PDE4C: variants seen among roughly 807,000 people sequenced by gnomAD.
PDE4C encodes 3',5'-cyclic-AMP phosphodiesterase 4C.
PDE4C carries 50 observed loss-of-function variants against 63.9 expected under a neutral mutation model. The observed-to-expected ratio is 0.78, with a 90% CI of 0.62 to 0.99. The LOEUF (loss-of-function observed/expected upper bound fraction) is 0.99, where lower values mean the gene tolerates loss of function less well. PDE4C is among the 50% of genes least tolerant of loss of function. PDE4C has a pLI of 0.00. For missense variants in PDE4C, 777 were observed against 899.1 expected, an observed-to-expected ratio of 0.86 and a Z score of 1.74; for synonymous variants, 377 against 385.1, an observed-to-expected ratio of 0.98 and a Z score of 0.25.
At chr19:18,240,425 C>CAA (rs35192077) in intron 1 of PDE4C, among the ~76,000 whole-genome samples, 43,122 of 113,972 alleles carry the variant, frequency 0.38, 9,207 homozygotes, top group Non-Finnish European at 0.48. Context: ...GAAACTCTGT[C>CAA]AAAAAAAAAA....
chr19:18,252,150 A>C, upstream of PDE4C: 1 of 399,196 alleles, frequency 2.5e-6, no homozygotes, highest in Non-Finnish European at 4.4e-6. Flanking sequence ...GTGCGGGGTC[A>C]GGGATTCGGA....
chr19:18,225,213 GT>G (rs1968676599), intron 1 of PDE4C, among the ~76,000 whole-genome samples: 1 of 152,190 alleles, frequency 6.6e-6, no homozygotes, highest in African/African-American at 2.4e-5. Context: ...GGCCAGGGGG[GT>G]AAACTGAGCC....
chr19:18,228,724 G>A (rs1222313660), upstream of PDE4C, among the ~76,000 whole-genome samples: 1 of 152,104 alleles, frequency 6.6e-6, no homozygotes, highest in Admixed American at 6.6e-5. Context: ...CACAGCAAGG[G>A]GTGGCCACAG....
upstream of PDE4C, chr19:18,251,975 G>A (rs1969235480): frequency 2.5e-6 from 1 of 397,896 alleles, no homozygotes; most frequent in African/African-American, 2.1e-5. Flanking sequence ...CATTCTCGGG[G>A]CTGTACCTCC....
At position 18,220,775 on chromosome 19, in the gene PDE4C, A is replaced by G. The variant is rs1968430247; in HGVS notation, c.499+99T>C. ...TTGTTTTTGCAGGGGCGGGGCTACAATTAGCCCCAGTATAAGGGGCTCATG... is the reference window on the plus strand; with the variant it reads ...TTGTTTTTGCAGGGGCGGGGCTACAGTTAGCCCCAGTATAAGGGGCTCATG... On this transcript the variant is annotated intron_variant, in intron 5 of 14. Coordinates refer to ENST00000262805, the Ensembl canonical transcript of PDE4C. The surrounding 1 kb of genome is among the most constrained non-coding windows in gnomAD (Gnocchi z 5.1). The G allele has an allele frequency of 8.4e-7, 1 of 1,187,744 alleles. No individual in the cohort carries two copies. The allele number at this position is 1,187,744 out of a possible 1,614,324, so 73.6% of individuals were successfully genotyped here.
At chr19:18,226,534 C>G, upstream of PDE4C, 3 of 705,284 alleles carry the variant, frequency 4.3e-6, no homozygotes, top group Non-Finnish European at 6.0e-6. Context: ...GCCTCGAGGC[C>G]GGCGGCTCCC....
intron 1 of PDE4C, among the ~76,000 whole-genome samples, chr19:18,247,045 C>T (rs1969146070): frequency 6.6e-6 from 1 of 152,212 alleles, no homozygotes; most frequent in Non-Finnish European, 1.5e-5. Flanking sequence ...GGCTCAGTTT[C>T]CCAGAATGGG....
At chr19:18,233,758 A>G (rs1968901058), upstream of PDE4C, 1 of 325,976 alleles carries the variant, frequency 3.1e-6, no homozygotes, top group East Asian at 9.0e-5. Flanking sequence ...GTTCAGGTGC[A>G]CCCCCAGACC....
chr19:18,208,243 A>T (rs2147990598), downstream of PDE4C: 1 of 152,360 alleles, frequency 6.6e-6, no homozygotes, highest in East Asian at 1.9e-4. Flanking sequence ...CTGCTCTGGA[A>T]GCCGAGGGCG....
chr19:18,222,661 CTCTCTCTCTCT>C (rs1968540636), intron 1 of PDE4C, among the ~76,000 whole-genome samples: 1 of 24,434 alleles, frequency 4.1e-5, no homozygotes. Context: ...CGTTCTTTCT[CTCTCTCTCTCT>C]CTCTCTCTCT....
chr19:18,216,609 CAG>C (rs1340694913), intron 12 of PDE4C, 130 bp downstream of exon 12: 19 of 865,652 alleles, frequency 2.2e-5, no homozygotes, highest in Non-Finnish European at 1.6e-5. Context: ...GAAGCTCAGA[CAG>C]AGTGAGGACA....
chr19:18,234,422 CCCA>C (rs893077507), upstream of PDE4C, among the ~76,000 whole-genome samples: 12 of 152,174 alleles, frequency 7.9e-5, no homozygotes, highest in African/African-American at 2.9e-4. Context: ...CAAGTCTCCA[CCCA>C]CCAGGCGTCT....
exon 12 of PDE4C, chr19:18,216,830 A>C: frequency 6.2e-7 from 1 of 1,614,170 alleles, no homozygotes; most frequent in Non-Finnish European, 8.5e-7. Context: ...AGCAGCTTGA[A>C]GCCCACAGCC....
Position 18,216,872 on chromosome 19 carries a change from T to C in PDE4C, c.1258A>G (p.Asn420Asp), listed in dbSNP as rs764378346. The change falls in exon 12 of 15, where the codon AAC becomes GAC. Residue 420 changes from asparagine to aspartate, a missense_variant. Asn to Asp is a conservative substitution (Grantham distance 23). This residue lies in a region of PDE4C where 500 missense variants were observed against 597.8 expected (regional missense o/e 0.84). Transcript: ENST00000262805. ...TGGTTCTCCAGCACCGAGGCGTCGTTGTACATAAGCGCCAGCTCTGAGTCT... is the reference window on the plus strand; with the variant it reads ...TGGTTCTCCAGCACCGAGGCGTCGTCGTACATAAGCGCCAGCTCTGAGTCT... 1.9e-6 allele frequency: 3 copies of C among 1,613,746 alleles called. No homozygotes were observed. In the Admixed American group the frequency reaches 5.0e-5, roughly 27 times the overall value.
At chr19:18,232,894 C>G in intron 1 of PDE4C, 2 of 1,416,910 alleles carry the variant, frequency 1.4e-6, no homozygotes, top group Non-Finnish European at 1.8e-6. Flanking sequence ...CCACTCCCGC[C>G]AGGCCCCGCG....
At chr19:18,237,483 G>A (rs547414343), upstream of PDE4C, among the ~76,000 whole-genome samples, 22 of 152,122 alleles carry the variant, frequency 1.4e-4, no homozygotes, top group South Asian at 4.2e-4. Context: ...CCTGGGAGGC[G>A]GAGGTTGCAG....
chr19:18,223,967 G>A (rs773618042), intron 1 of PDE4C, among the ~76,000 whole-genome samples: 1 of 152,110 alleles, frequency 6.6e-6, no homozygotes, highest in South Asian at 2.1e-4. Context: ...CCCCACGGCC[G>A]CCGACCACGC....
At chr19:18,224,281 G>A in intron 1 of PDE4C, 8 of 985,522 alleles carry the variant, frequency 8.1e-6, no homozygotes, top group Non-Finnish European at 9.6e-6. Flanking sequence ...GCACCGACAG[G>A]AAGACAACCG....
chr19:18,218,282 G>A lies in PDE4C; in HGVS notation c.1135-34C>T, dbSNP rs747791123. 42 of 1,613,108 alleles carry A rather than the reference G, an allele frequency of 2.6e-5. No homozygotes were observed. In the South Asian group the frequency reaches 3.8e-4, roughly 15 times the overall value. ...GCAGAGGGCACAGGCGGTGAGGGGC[G>A]GGTTCTCTGGGCCCTGCACCCGCCC... On this transcript the variant is annotated intron_variant, in intron 10 of 14. Coordinates refer to ENST00000262805, the Ensembl canonical transcript of PDE4C.
Sources: gnomAD v4.1 joint callset for allele counts (sites outside exome capture counted in the v4.1 genomes callset) on GRCh38, gnomAD v4.1.1 for gene constraint, gnomAD v4.1.1 regional missense constraint, Gnocchi (gnomAD v3.1) non-coding constraint, MANE v1.5 for transcripts, NCBI Gene and HGNC (gene_info 2026-07-23, HGNC 2026-07-21) for gene names.